The following XKR9 variants were observed in gnomAD, a reference collection of about 807,000 sequenced individuals.
XKR9 encodes XK related 9, also known as XK-related protein 9.
In XKR9, 32 loss-of-function variants were observed where a neutral mutation model predicts 32.0. The ratio of observed to expected loss-of-function variants is 1.00; its 90% CI spans 0.76 to 1.34. XKR9 has a LOEUF of 1.34. Ranked by LOEUF, XKR9 falls within the 40% of genes most tolerant of loss-of-function variation. The pLI is 0.00. For synonymous variants in XKR9, 168 were observed against 143.4 expected, an observed-to-expected ratio of 1.17 and a Z score of -1.22; for missense variants, 546 against 429.7, an observed-to-expected ratio of 1.27 and a Z score of -2.39.
At chr8:70,926,896 A>G in the XKR9 span, among the ~76,000 whole-genome samples, 1 of 152,148 alleles carries the variant, frequency 6.6e-6, no homozygotes, top group Non-Finnish European at 1.5e-5. Flanking sequence ...TAGGAAAGTT[A>G]TATGAACTTT....
intron 3 of XKR9, among the ~76,000 whole-genome samples, chr8:70,789,766 T>C (rs944293977): frequency 5.3e-5 from 8 of 152,032 alleles, no homozygotes; most frequent in African/African-American, 1.7e-4. Context: ...CAAAGTCATC[T>C]TGTGGAATGT....
chr8:70,882,016 G>C, the XKR9 span, among the ~76,000 whole-genome samples: 1 of 151,934 alleles, frequency 6.6e-6, no homozygotes, highest in African/African-American at 2.4e-5. Flanking sequence ...TGCCAGGACA[G>C]AAAACCAAAC....
chr8:70,733,879 A>G lies in XKR9; in HGVS notation c.577A>G (p.Lys193Glu), dbSNP rs1806758702. Residue 193 changes from lysine to glutamate, a missense_variant, in exon 5 of 5, where the codon AAA (lysine) becomes GAA (glutamate). Physicochemically the swap from Lys to Glu is moderately conservative, Grantham distance 56 (BLOSUM62 1). Coordinates refer to ENST00000408926, the MANE Select transcript of XKR9 (RefSeq NM_001011720.2). ...QVALRKSLPD[K>E]KLLNGLCPKI... ...AGCTTTAAGAAAATCCTTGCCTGAC[A>G]AAAAGCTTCTTAATGGATTATGTCC... The G allele has an allele frequency of 1.9e-6, 3 of 1,611,114 alleles. No individual in the cohort carries two copies. Among genetic ancestry groups the G allele is most frequent in the Non-Finnish European group, 2.5e-6 (3 of 1,179,270 alleles).
the XKR9 span, among the ~76,000 whole-genome samples, chr8:70,968,612 T>C: frequency 9.9e-5 from 15 of 152,164 alleles, no homozygotes; most frequent in African/African-American, 3.6e-4. Context: ...GACCATTGAA[T>C]GGGGTTTTTG....
chr8:70,670,247 C>G (rs888957531), intron 1 of XKR9, among the ~76,000 whole-genome samples: 13 of 152,042 alleles, frequency 8.6e-5, no homozygotes, highest in African/African-American at 3.1e-4. Flanking sequence ...TGTTACCTGC[C>G]TGCCCAGAGA....
chr8:71,054,589 C>T, the XKR9 span, among the ~76,000 whole-genome samples: 1 of 152,168 alleles, frequency 6.6e-6, no homozygotes, highest in African/African-American at 2.4e-5. Flanking sequence ...TATTAAGGTG[C>T]CATTTCCATT....
At chr8:70,975,901 GTCC>G in the XKR9 span, among the ~76,000 whole-genome samples, 3 of 152,032 alleles carry the variant, frequency 2.0e-5, no homozygotes, top group African/African-American at 7.3e-5. Flanking sequence ...ATTTGTTTGT[GTCC>G]TCTTTTATTT....
rs1044914505 is a variant in XKR9, at chr8:70,732,591, A to C, written c.494-1205A>C. Among the ~76,000 whole-genome samples, 5 of 152,202 alleles carry C rather than the reference A, an allele frequency of 3.3e-5. No individual in the cohort carries two copies. The East Asian group carries it at 9.6e-4, about 29-fold the overall frequency. ...CCTTGCTGCTGCATGGACAGAATCA[A>C]TTTATCATGATGGGAATTACAATAG... On this transcript the variant is annotated intron_variant, in intron 4 of 4. Transcript: ENST00000408926.
chr8:70,769,641 C>T (rs1331116338), intron 2 of XKR9, among the ~76,000 whole-genome samples: 2 of 151,900 alleles, frequency 1.3e-5, no homozygotes, highest in Non-Finnish European at 2.9e-5. Flanking sequence ...CGTTCCTTTT[C>T]ATTCTTTTTT....
rs1287001849 is a variant in XKR9 at position 70,698,205 on chromosome 8, G to C, written c.273-8728G>C. ...TTCCTTCAGTTCTGCTCTGATTTTA[G>C]TTATTTCTTGCCTTCTGCTAGCTTT... On this transcript the variant is annotated intron_variant, in intron 3 of 4. Transcript: ENST00000408926. Among the ~76,000 whole-genome samples, 5 of 151,772 alleles carry C rather than the reference G, an allele frequency of 3.3e-5. No homozygotes were observed. In the East Asian group the frequency reaches 9.7e-4, roughly 29 times the overall value.
chr8:71,029,167 G>A, the XKR9 span, among the ~76,000 whole-genome samples: 2 of 152,018 alleles, frequency 1.3e-5, no homozygotes. Flanking sequence ...AGAGTTGGGA[G>A]TTACAAAAGC....
the XKR9 span, among the ~76,000 whole-genome samples, chr8:71,049,777 A>G: frequency 6.6e-6 from 1 of 152,198 alleles, no homozygotes; most frequent in Non-Finnish European, 1.5e-5. Context: ...TGAGTTACAT[A>G]TAAGTTACAT....
the XKR9 span, among the ~76,000 whole-genome samples, chr8:70,992,453 C>T: frequency 6.6e-6 from 1 of 152,026 alleles, no homozygotes; most frequent in Non-Finnish European, 1.5e-5. Flanking sequence ...ACCTCAATTT[C>T]CTTTGGATTA....
chr8:70,956,199 G>A, the XKR9 span, among the ~76,000 whole-genome samples: 2 of 152,138 alleles, frequency 1.3e-5, no homozygotes, highest in Non-Finnish European at 2.9e-5. Context: ...AAAGAATGAG[G>A]TACATGGACA....
the XKR9 span, among the ~76,000 whole-genome samples, chr8:70,978,470 A>G: frequency 6.6e-6 from 1 of 152,042 alleles, no homozygotes; most frequent in African/African-American, 2.4e-5. Context: ...TCTGTAAAGG[A>G]TTTTATTTCT....
chr8:70,979,985 C>G, the XKR9 span, among the ~76,000 whole-genome samples: 547 of 152,342 alleles, frequency 3.6e-3, 3 homozygotes, highest in African/African-American at 0.013. Flanking sequence ...CCTCCCCCAG[C>G]CAGGCTTGCT....
the XKR9 span, among the ~76,000 whole-genome samples, chr8:70,906,098 T>A: frequency 6.6e-6 from 1 of 152,204 alleles, no homozygotes; most frequent in African/African-American, 2.4e-5. Context: ...GAGAAGGCAG[T>A]CTGTCCGTTC....
At chr8:70,705,196 A>G (rs916229396) in intron 3 of XKR9, among the ~76,000 whole-genome samples, 4 of 151,906 alleles carry the variant, frequency 2.6e-5, no homozygotes, top group African/African-American at 7.3e-5. Context: ...ATGAGCTTTC[A>G]TTTATTACTT....
the XKR9 span, among the ~76,000 whole-genome samples, chr8:70,832,521 G>C: frequency 6.6e-6 from 1 of 152,174 alleles, no homozygotes; most frequent in African/African-American, 2.4e-5. Context: ...CTGTTGAGGA[G>C]AGAATAAGCT....
Sources: allele counts gnomAD v4.1 joint callset (sites outside exome capture counted in the v4.1 genomes callset), GRCh38; gene constraint gnomAD v4.1.1; transcripts MANE v1.5; gene names NCBI Gene and HGNC (gene_info 2026-07-23, HGNC 2026-07-21).